Variants in FAT3 observed in about 807,000 individuals in gnomAD.
FAT3 encodes the protein FAT atypical cadherin 3, also known as protocadherin Fat 3.
A neutral mutation model predicts 310.2 loss-of-function variants in FAT3; 95 were observed. That is an observed-to-expected ratio of 0.31 (90% CI 0.26 to 0.36). The LOEUF (loss-of-function observed/expected upper bound fraction) is 0.36. FAT3 is among the 10% of genes least tolerant of loss of function. FAT3 has a pLI of 1.00. For missense variants in FAT3, 5,408 were observed against 5,715.6 expected (o/e 0.95, Z 1.74); for synonymous variants, 2,314 against 2,192.9 (o/e 1.06, Z -1.54).
At chr11:92,668,856 G>C (rs1367915848) in intron 3 of FAT3, among the ~76,000 whole-genome samples, 2 of 152,114 alleles carry the variant, frequency 1.3e-5, no homozygotes, top group Non-Finnish European at 2.9e-5. Flanking sequence ...CTTCAGCATT[G>C]GTGTAAACTT....
intron 3 of FAT3, among the ~76,000 whole-genome samples, chr11:92,674,220 A>AT (rs61463680): frequency 1.6e-3 from 236 of 149,208 alleles, no homozygotes; most frequent in Non-Finnish European, 2.8e-3. Context: ...AATAATAATA[A>AT]AGAGACACTT....
chr11:92,367,682 A>G lies in FAT3; in HGVS notation c.3292+12278A>G, dbSNP rs192205408. ...GATAGTAGAGACAGAAAAGCATGTAATCTAATTGTACACCATGTGGTACAA... is the reference window on the plus strand; with the variant it reads ...GATAGTAGAGACAGAAAAGCATGTAGTCTAATTGTACACCATGTGGTACAA... On this transcript the variant is annotated intron_variant, in intron 2 of 27. Coordinates refer to ENST00000525166, the MANE Select transcript of FAT3 (RefSeq NM_001367949.2). Among the ~76,000 whole-genome samples, 8 of 152,318 alleles carry G rather than the reference A, an allele frequency of 5.3e-5. No homozygotes were observed. In the East Asian group the frequency reaches 1.4e-3, roughly 26 times the overall value.
Position 92,811,162 on chromosome 11 carries a change from A to C in FAT3, c.9481+1086A>C, listed in dbSNP as rs150243387. ...TTAAAGAGCTTTGTGAAAAATGGTAAACAAGAAAGACCTCTTATTGATATA... is the reference window on the plus strand; with the variant it reads ...TTAAAGAGCTTTGTGAAAAATGGTACACAAGAAAGACCTCTTATTGATATA... On this transcript the variant is annotated intron_variant, in intron 13 of 27. Transcript: ENST00000525166. Among the ~76,000 whole-genome samples the C allele has an allele frequency of 2.7e-3, 410 of 152,328 alleles. 6 individuals are homozygous for C. Among genetic ancestry groups the C allele is most frequent in the African/African-American group, 9.6e-3 (399 of 41,574 alleles).
intron 7 of FAT3, among the ~76,000 whole-genome samples, chr11:92,783,472 A>C (rs2136139493): frequency 6.6e-6 from 1 of 150,410 alleles, no homozygotes; most frequent in Non-Finnish European, 1.5e-5. Flanking sequence ...AGCAAGCCAA[A>C]TCTTAAAATG....
Position 92,836,664 on chromosome 11 carries a change from G to A in FAT3, c.10185G>A (p.Leu3395=), listed in dbSNP as rs1948417151. Residue 3395 remains leucine, a synonymous_variant, in exon 16 of 28, where the codon TTG becomes TTA. Transcript: ENST00000525166. ...RDNEFTVDPV[L]GLVKVKKKLD... ...ATGAATTTACTGTAGATCCTGTCTT[G>A]GGACTTGTGAAAGTTAAGAAGAAAT... The A allele has an allele frequency of 6.2e-7, 1 of 1,613,542 alleles. No homozygotes were observed. Among genetic ancestry groups the A allele is most frequent in the Non-Finnish European group, 8.5e-7 (1 of 1,179,680 alleles).
At chr11:92,438,798 A>C (rs1311143856) in intron 2 of FAT3, among the ~76,000 whole-genome samples, 1 of 152,206 alleles carries the variant, frequency 6.6e-6, no homozygotes, top group Non-Finnish European at 1.5e-5. Flanking sequence ...CCCATGTAGT[A>C]GATGGTGCTT....
chr11:92,880,374 A>G (rs1219883541), intron 22 of FAT3, among the ~76,000 whole-genome samples: 4 of 149,948 alleles, frequency 2.7e-5, no homozygotes, highest in African/African-American at 7.4e-5. Context: ...ATAGTAAACC[A>G]CTCCTGTCTG....
At chr11:92,420,748 A>T (rs1213425889) in intron 2 of FAT3, among the ~76,000 whole-genome samples, 1 of 152,182 alleles carries the variant, frequency 6.6e-6, no homozygotes, top group Non-Finnish European at 1.5e-5. Context: ...ATTAAAGTGC[A>T]CTTACAAACC....
intron 3 of FAT3, among the ~76,000 whole-genome samples, chr11:92,625,259 T>C (rs952970763): frequency 5.3e-5 from 8 of 152,214 alleles, no homozygotes; most frequent in Admixed American, 4.6e-4. Context: ...TTTTATGTTA[T>C]GCCTATGCAA....
At chr11:92,443,917 T>C (rs1240636211) in intron 2 of FAT3, among the ~76,000 whole-genome samples, 3 of 152,162 alleles carry the variant, frequency 2.0e-5, no homozygotes, top group African/African-American at 7.2e-5. Flanking sequence ...CTTTATGTTT[T>C]AGAATCTAAT....
intron 21 of FAT3, among the ~76,000 whole-genome samples, chr11:92,864,669 T>C (rs1223571914): frequency 2.0e-5 from 3 of 152,002 alleles, no homozygotes; most frequent in Non-Finnish European, 4.4e-5. Context: ...TAGAAAAAAT[T>C]AGCTGGGCAT....
At chr11:92,461,508 G>T (rs1438849492) in intron 2 of FAT3, among the ~76,000 whole-genome samples, 1 of 152,136 alleles carries the variant, frequency 6.6e-6, no homozygotes, top group African/African-American at 2.4e-5. Flanking sequence ...GAAAACAAGG[G>T]TGGGTATGGT....
At chr11:92,583,775 C>T (rs1448447246) in intron 3 of FAT3, among the ~76,000 whole-genome samples, 1 of 151,954 alleles carries the variant, frequency 6.6e-6, no homozygotes, top group African/African-American at 2.4e-5. Context: ...TCCTCCCAGA[C>T]AACAGATGCA....
intron 2 of FAT3, among the ~76,000 whole-genome samples, chr11:92,484,760 A>G (rs78054950): frequency 1.9e-3 from 283 of 152,320 alleles, no homozygotes; most frequent in Non-Finnish European, 3.0e-3. Flanking sequence ...CTCACTCTAT[A>G]TGTTCGCTTC....
chr11:92,683,607 C>G (rs537383446), intron 3 of FAT3, among the ~76,000 whole-genome samples: 5 of 152,276 alleles, frequency 3.3e-5, no homozygotes, highest in African/African-American at 1.2e-4. Flanking sequence ...CCACATGTCT[C>G]TATTTATTCA....
chr11:92,232,521 T>G (rs1353905284), intron 1 of FAT3, among the ~76,000 whole-genome samples: 2 of 152,202 alleles, frequency 1.3e-5, no homozygotes, highest in Non-Finnish European at 2.9e-5. Flanking sequence ...AGAAGGTCTC[T>G]TTCTCATGGC....
chr11:92,331,003 TGAGAGAGAGAGAGAGA>T (rs67328951), intron 1 of FAT3, among the ~76,000 whole-genome samples: 33 of 133,494 alleles, frequency 2.5e-4, no homozygotes, highest in Non-Finnish European at 4.2e-4. Context: ...TGTGTGTGTG[TGAGAGAGAGAGAGAGA>T]GAAACATTTA....
intron 3 of FAT3, among the ~76,000 whole-genome samples, chr11:92,530,175 G>C (rs1954018924): frequency 6.6e-6 from 1 of 152,178 alleles, no homozygotes; most frequent in Non-Finnish European, 1.5e-5. Context: ...GGATAAGAGA[G>C]GGGGTAACAG....
chr11:92,261,533 T>C (rs1865553694), intron 1 of FAT3, among the ~76,000 whole-genome samples: 1 of 152,140 alleles, frequency 6.6e-6, no homozygotes, highest in Admixed American at 6.6e-5. Flanking sequence ...ACTTGGCTAT[T>C]TTCTTATATA....
Sources: allele counts gnomAD v4.1 joint callset (sites outside exome capture counted in the v4.1 genomes callset), GRCh38; gene constraint gnomAD v4.1.1; transcripts MANE v1.5; gene names NCBI Gene and HGNC (gene_info 2026-07-23, HGNC 2026-07-21).